Variants in ADAT2 observed in about 807,000 individuals in gnomAD.
ADAT2 encodes the protein adenosine deaminase tRNA specific 2.
ADAT2 carries 26 observed loss-of-function variants against 25.9 expected under a neutral mutation model. That is an observed-to-expected ratio of 1.00 (90% confidence interval 0.74 to 1.39). The LOEUF (loss-of-function observed/expected upper bound fraction) is 1.39, where lower values mean the gene tolerates loss of function less well. Among genes scored for constraint, ADAT2 ranks in the 40% most tolerant of loss-of-function variants. The probability of loss-of-function intolerance (pLI) is 0.00; values close to 1 mark genes in which losing one functional copy is unlikely to be tolerated. For synonymous variants in ADAT2, 76 were observed against 86.8 expected (o/e 0.88, Z 0.69); for missense variants, 220 against 244.8 (o/e 0.90, Z 0.68).
intron 4 of ADAT2, among the ~76,000 whole-genome samples, chr6:143,429,135 A>C (rs1779032739): frequency 6.6e-6 from 1 of 152,208 alleles, no homozygotes; most frequent in African/African-American, 2.4e-5. Flanking sequence ...GTGGTCCATT[A>C]AGCATTCCAT....
At chr6:143,438,246 A>G (rs1300793312) in intron 2 of ADAT2, among the ~76,000 whole-genome samples, 2 of 152,238 alleles carry the variant, frequency 1.3e-5, no homozygotes, top group African/African-American at 4.8e-5. Context: ...CTTAAAGTAG[A>G]GACAGACTTG....
rs767897250 is a variant in ADAT2 at position 143,440,913 on chromosome 6, C to T, written c.97-2219G>A. Among the ~76,000 whole-genome samples, 1 of 152,090 alleles carries T rather than the reference C, an allele frequency of 6.6e-6. No homozygotes were observed. Among genetic ancestry groups the T allele is most frequent in the Non-Finnish European group, 1.5e-5 (1 of 68,016 alleles). On this transcript the variant is annotated intron_variant, in intron 1 of 5. Coordinates refer to ENST00000237283, the MANE Select transcript of ADAT2 (RefSeq NM_182503.3). The surrounding 1 kb of genome is among the most constrained non-coding windows in gnomAD (Gnocchi z 4.5). ...GAGGATCTTGAGATGGAGAGATTAT[C>T]CCAAATTCAGGTGGGTCCTGAAGGC... is the stretch of plus-strand genomic sequence containing the variant.
chr6:143,435,452 ATAGAG>A (rs918360626), intron 2 of ADAT2, among the ~76,000 whole-genome samples: 2 of 152,152 alleles, frequency 1.3e-5, no homozygotes, highest in African/African-American at 4.8e-5. Context: ...TGCTGTAGTT[ATAGAG>A]TAATCTTCTT....
chr6:143,433,855 A>G lies in ADAT2; in HGVS notation c.328T>C (p.Cys110Arg). Residue 110 changes from cysteine to arginine, a missense_variant, in exon 3 of 6, where the codon TGT becomes CGT. Physicochemically the swap from Cys to Arg is radical, Grantham distance 180 (BLOSUM62 -3). Coordinates refer to ENST00000237283, the MANE Select transcript of ADAT2 (RefSeq NM_182503.3). The stretch of plus-strand genomic sequence containing the variant: ...CTCATCAGGCGGAGAGCAGCTGCAC[A>G]CATAATGCACGGCTCCACAGTGACA... The part of the protein sequence containing the change: ...LYVTVEPCIM[C>R]AAALRLMKIP... 6.2e-7 allele frequency: 1 copy of G among 1,614,128 alleles called. No homozygotes were observed. The highest frequency in any genetic ancestry group is 8.5e-7 in the Non-Finnish European group (1 of 1,180,012).
intron 4 of ADAT2, among the ~76,000 whole-genome samples, chr6:143,431,051 C>T (rs933384720): frequency 6.6e-6 from 1 of 151,466 alleles, no homozygotes; most frequent in African/African-American, 2.4e-5. Context: ...TAAGCCCAGA[C>T]GAATTAAAAA....
rs1286582871 is a variant in ADAT2 at position 143,427,491 on chromosome 6, C to G, written c.*972G>C. The G allele has an allele frequency of 6.6e-6, 1 of 152,192 alleles. No homozygotes were observed. The highest frequency in any genetic ancestry group is 1.5e-5 in the Non-Finnish European group (1 of 68,014). The allele number at this position is 152,192 out of a possible 1,614,324, so 9.4% of individuals were successfully genotyped here. A position where few individuals can be genotyped will look rare whatever the true frequency, so the allele number is the denominator to read the frequency against. ...CTGGGGACTTCCTGCTGTGGATACC[C>G]TTTCCAGTGTTGTGTTCAAAATTTT... is the stretch of plus-strand genomic sequence containing the variant. On this transcript the variant is annotated 3_prime_UTR_variant, in exon 6 of 6. Transcript: ENST00000237283.
chr6:143,446,075 G>A lies in ADAT2; in HGVS notation c.96+4488C>T, dbSNP rs1266006600. ...AGCGATTAAAAAAAAAAAACCTCAT[G>A]TATCAAAAAAAAAAAACCCACTAAG... On this transcript the variant is annotated intron_variant, in intron 1 of 5. Transcript: ENST00000237283. This position sits in a 1 kb window ranked among gnomAD's most constrained non-coding sequence, Gnocchi z 5.0. Among the ~76,000 whole-genome samples, 1 of 144,740 alleles carries A rather than the reference G, an allele frequency of 6.9e-6. No individual in the cohort carries two copies. The highest frequency in any genetic ancestry group is 1.5e-5 in the Non-Finnish European group (1 of 66,492). 95.0% of individuals were successfully genotyped at this position (144,740 alleles called of 152,430 possible).
At position 143,432,807 on chromosome 6, in the gene ADAT2, A is replaced by G. The variant is rs935887469; in HGVS notation, c.353-196T>C. Among the ~76,000 whole-genome samples the G allele has an allele frequency of 2.0e-5, 3 of 152,246 alleles. No individual in the cohort carries two copies. Among genetic ancestry groups the G allele is most frequent in the Non-Finnish European group, 2.9e-5 (2 of 68,038 alleles). ...AAGGGGTTAAAGTATTGAGAAATTG[A>G]CATTTAACAACTGCAAACAGAATGA... On this transcript the variant is annotated intron_variant, in intron 3 of 5. Transcript: ENST00000237283. This position sits in a 1 kb window ranked among gnomAD's most constrained non-coding sequence, Gnocchi z 4.4.
intron 1 of ADAT2, among the ~76,000 whole-genome samples, chr6:143,447,934 G>T (rs1295621578): frequency 2.6e-5 from 4 of 152,134 alleles, no homozygotes; most frequent in Non-Finnish European, 4.4e-5. Context: ...CTGCTATAAA[G>T]ACACATGCAC....
chr6:143,435,366 C>T (rs1172091607), intron 2 of ADAT2, among the ~76,000 whole-genome samples: 1 of 149,824 alleles, frequency 6.7e-6, no homozygotes, highest in Non-Finnish European at 1.5e-5. Flanking sequence ...GTGGTGGTGG[C>T]GACTGGGTAG....
At chr6:143,447,464 T>C (rs920275772) in intron 1 of ADAT2, among the ~76,000 whole-genome samples, 2 of 152,118 alleles carry the variant, frequency 1.3e-5, no homozygotes, top group Middle Eastern at 3.2e-3. Context: ...AAAGAGAACA[T>C]ATAATTCCAT....
rs1480262163 is a variant in ADAT2 at position 143,440,546 on chromosome 6, T to C, written c.97-1852A>G. 3.9e-5 allele frequency among the ~76,000 whole-genome samples: 6 copies of C among 152,190 alleles called. No homozygotes were observed. Among genetic ancestry groups the C allele is most frequent in the South Asian group, 4.1e-4 (2 of 4,830 alleles). Reference sequence around the variant, plus strand: ...GGCATGGAGAGATGTGAGAAGACAGTATCTGATGCAGTAAGACTGCATTCA... The same window carrying C: ...GGCATGGAGAGATGTGAGAAGACAGCATCTGATGCAGTAAGACTGCATTCA... On this transcript the variant is annotated intron_variant, in intron 1 of 5. Coordinates refer to ENST00000237283, the MANE Select transcript of ADAT2 (RefSeq NM_182503.3). The surrounding 1 kb of genome is among the most constrained non-coding windows in gnomAD (Gnocchi z 4.5).
In ADAT2 at chr6:143,444,145, A is replaced by G. The variant is rs1779533263; in HGVS notation, c.97-5451T>C. 6.6e-6 allele frequency among the ~76,000 whole-genome samples: 1 copy of G among 152,088 alleles called. No homozygotes were observed. Among genetic ancestry groups the G allele is most frequent in the Non-Finnish European group, 1.5e-5 (1 of 68,022 alleles). The stretch of plus-strand genomic sequence containing the variant: ...TTTTTCCGTCTAGCAAATTTATTTC[A>G]TTTCACTCCTCTCAATATTATCTTC... On this transcript the variant is annotated intron_variant, in intron 1 of 5. Coordinates refer to ENST00000237283, the MANE Select transcript of ADAT2 (RefSeq NM_182503.3). This position sits in a 1 kb window ranked among gnomAD's most constrained non-coding sequence, Gnocchi z 4.3.
rs763660328 is a variant in ADAT2, at chr6:143,440,970, G to A, written c.97-2276C>T. On this transcript the variant is annotated intron_variant, in intron 1 of 5. Coordinates refer to ENST00000237283, the MANE Select transcript of ADAT2 (RefSeq NM_182503.3). This position sits in a 1 kb window ranked among gnomAD's most constrained non-coding sequence, Gnocchi z 4.5. ...AGAAGGCAAGAGGCGAAGTGATAAC[G>A]GAAGGAGAGAGAGAGAGATTTGAAA... is the stretch of plus-strand genomic sequence containing the variant. Among the ~76,000 whole-genome samples the A allele has an allele frequency of 1.3e-5, 2 of 152,146 alleles. No homozygotes were observed. Among genetic ancestry groups the A allele is most frequent in the Non-Finnish European group, 2.9e-5 (2 of 68,026 alleles).
chr6:143,448,305 G>A (rs190548110), intron 1 of ADAT2, among the ~76,000 whole-genome samples: 2,014 of 152,204 alleles, frequency 0.013, 36 homozygotes, highest in African/African-American at 0.046. Context: ...TAATGTAAAT[G>A]ACGAGTTAAT....
rs1779280586 is a variant in ADAT2, at chr6:143,436,361, T to C, written c.201+2229A>G. The C allele has an allele frequency of 3.9e-6, 1 of 257,008 alleles. No individual in the cohort carries two copies. The highest frequency in any genetic ancestry group is 7.9e-6 in the Non-Finnish European group (1 of 125,910). The allele number at this position is 257,008 out of a possible 1,614,324, so 15.9% of individuals were successfully genotyped here. On this transcript the variant is annotated intron_variant, in intron 2 of 5. Coordinates refer to ENST00000237283, the MANE Select transcript of ADAT2 (RefSeq NM_182503.3). This position sits in a 1 kb window ranked among gnomAD's most constrained non-coding sequence, Gnocchi z 4.1. ...TCCATGAGGGAGGTAGAGGAGAAAA[T>C]GCTTCATGTCCAAACCAAGAACAGC...
intron 1 of ADAT2, among the ~76,000 whole-genome samples, chr6:143,448,548 A>T (rs1365050409): frequency 2.2e-5 from 2 of 89,244 alleles, no homozygotes; most frequent in Non-Finnish European, 6.0e-5. Flanking sequence ...CAACCAACAA[A>T]CACCTCAAAC....
At chr6:143,439,831 ATATAAAGTATACCTC>A (rs1193691851) in intron 1 of ADAT2, among the ~76,000 whole-genome samples, 46 of 152,332 alleles carry the variant, frequency 3.0e-4, no homozygotes, top group African/African-American at 9.9e-4. Flanking sequence ...ATCTCACTGT[ATATAAAGTATACCTC>A]AACTGAAAAA....
In ADAT2 at chr6:143,444,826, G is replaced by T; in HGVS notation, c.96+5737C>A. On this transcript the variant is annotated intron_variant, in intron 1 of 5. Transcript: ENST00000237283. This position sits in a 1 kb window ranked among gnomAD's most constrained non-coding sequence, Gnocchi z 4.3. Reference sequence around the variant, plus strand: ...CAGATACAGATAATGAAAGCACCTAGATGGAAGAGACTTCGTAGTTTATTA... The same window carrying T: ...CAGATACAGATAATGAAAGCACCTATATGGAAGAGACTTCGTAGTTTATTA... The T allele has an allele frequency of 1.2e-6, 1 of 864,886 alleles. No homozygotes were observed. Among genetic ancestry groups the T allele is most frequent in the Non-Finnish European group, 1.6e-6 (1 of 634,790 alleles). 53.6% of individuals were successfully genotyped at this position (864,886 alleles called of 1,614,324 possible). A position where few individuals can be genotyped will look rare whatever the true frequency, so the allele number is the denominator to read the frequency against.
Sources: gnomAD v4.1 joint callset for allele counts (sites outside exome capture counted in the v4.1 genomes callset) on GRCh38, gnomAD v4.1.1 for gene constraint, Gnocchi (gnomAD v3.1) non-coding constraint, MANE v1.5 for transcripts, NCBI Gene and HGNC (gene_info 2026-07-23, HGNC 2026-07-21) for gene names.